The following COL11A2 variants were observed in gnomAD, a reference collection of about 807,000 sequenced individuals.
The protein encoded by COL11A2 is collagen type XI alpha 2 chain.
In COL11A2, 116 loss-of-function variants were observed where a neutral mutation model predicts 273.4. That is an observed-to-expected ratio of 0.42 (90% CI 0.36 to 0.49). The LOEUF is 0.49. COL11A2 is among the 20% of genes least tolerant of loss of function. The pLI, the probability that COL11A2 is intolerant of heterozygous loss-of-function variation, is 0.00. For missense variants in COL11A2, 1,866 were observed against 2,309.0 expected (o/e 0.81, Z 3.93); for synonymous variants, 782 against 864.2 (o/e 0.90, Z 1.67).
Position 33,178,006 on chromosome 6 carries a change from A to C in COL11A2, c.1872+126T>G, listed in dbSNP as rs1771161662. 2.9e-6 allele frequency: 3 copies of C among 1,043,338 alleles called. No individual in the cohort carries two copies. The highest frequency in any genetic ancestry group is 4.2e-5 in the Admixed American group (2 of 47,664). The allele number at this position is 1,043,338 out of a possible 1,614,324, so 64.6% of individuals were successfully genotyped here. ...AGGCAGGGCAGTGTGGGGCCAGAGC[A>C]GGGGGAGCTCACAGGGAATGGGAAG... On this transcript the variant is annotated intron_variant, in intron 21 of 65. Coordinates refer to ENST00000341947, the MANE Select transcript of COL11A2 (RefSeq NM_080680.3). This position sits in a 1 kb window ranked among gnomAD's most constrained non-coding sequence, Gnocchi z 4.6.
At position 33,166,616 on chromosome 6, in the gene COL11A2, T is replaced by G; in HGVS notation, c.4339-50A>C. 1 of 1,612,320 alleles carries G rather than the reference T, an allele frequency of 6.2e-7. No individual in the cohort carries two copies. Among genetic ancestry groups the G allele is most frequent in the Non-Finnish European group, 8.5e-7 (1 of 1,178,824 alleles). Reference sequence around the variant, plus strand: ...ACTGGGTCCTCCTCCCACACCCTCCTGAGCACCTGCTCGCTTACCCACAGC... The same window carrying G: ...ACTGGGTCCTCCTCCCACACCCTCCGGAGCACCTGCTCGCTTACCCACAGC... On this transcript the variant is annotated intron_variant, in intron 59 of 65. Transcript: ENST00000341947. The surrounding 1 kb of genome is among the most constrained non-coding windows in gnomAD (Gnocchi z 4.8).
At position 33,164,340 on chromosome 6, in the gene COL11A2, A is replaced by G. The variant is rs1466062947; in HGVS notation, c.4997T>C (p.Leu1666Pro). ...SGAARDGPLR[L>P]RGANEDELSP... ...CAGCTCATCCTCATTGGCCCCACGG[A>G]GTCTCAGGGGACCGTCACGGGCTGC... The change falls in exon 65 of 66, where the codon CTC (leucine) becomes CCC (proline). Residue 1666 changes from leucine (L) to proline (P), a missense_variant. Coordinates refer to ENST00000341947, the MANE Select transcript of COL11A2 (RefSeq NM_080680.3). The surrounding 1 kb of genome is among the most constrained non-coding windows in gnomAD (Gnocchi z 4.7). The G allele has an allele frequency of 6.2e-7, 1 of 1,612,914 alleles. No homozygotes were observed. Among genetic ancestry groups the G allele is most frequent in the Non-Finnish European group, 8.5e-7 (1 of 1,179,972 alleles).
At position 33,174,058 on chromosome 6, in the gene COL11A2, G is replaced by A; in HGVS notation, c.2485-3C>T. ...GGCCCTGACTTCCCCGACAGGCCCT[G>A]GTGGGAATGAAGCAGAGAGAACATT... is the stretch of plus-strand genomic sequence containing the variant. On this transcript the variant is annotated splice_region_variant and splice_polypyrimidine_tract_variant and intron_variant, in intron 32 of 65. Transcript: ENST00000341947. 1.2e-6 allele frequency: 2 copies of A among 1,613,802 alleles called. No homozygotes were observed. Among genetic ancestry groups the A allele is most frequent in the Non-Finnish European group, 1.7e-6 (2 of 1,179,974 alleles).
At position 33,179,418 on chromosome 6, in the gene COL11A2, C is replaced by T; in HGVS notation, c.1503+13G>A. 1 of 1,568,780 alleles carries T rather than the reference C, an allele frequency of 6.4e-7. No individual in the cohort carries two copies. Among genetic ancestry groups the T allele is most frequent in the Non-Finnish European group, 8.6e-7 (1 of 1,157,104 alleles). On this transcript the variant is annotated intron_variant, in intron 14 of 65. Coordinates refer to ENST00000341947, the MANE Select transcript of COL11A2 (RefSeq NM_080680.3). This position sits in a 1 kb window ranked among gnomAD's most constrained non-coding sequence, Gnocchi z 6.4. ...ATTAAAGCATCCTCCACCCGAGCAC[C>T]CTGCTCACTCACCAAGGGTCCAGGG...
rs1771200796 is a variant in COL11A2, at chr6:33,178,284, C to G, written c.1818+24G>C. 1.2e-6 allele frequency: 2 copies of G among 1,612,894 alleles called. No individual in the cohort carries two copies. The highest frequency in any genetic ancestry group is 1.7e-6 in the Non-Finnish European group (2 of 1,179,950). ...CTGGCTTCCCCAGAGCCCCCTCCCC[C>G]AGCACCAGCCCTTGGACACTCACCG... On this transcript the variant is annotated intron_variant, in intron 20 of 65. Transcript: ENST00000341947. This position sits in a 1 kb window ranked among gnomAD's most constrained non-coding sequence, Gnocchi z 4.6.
In COL11A2 at chr6:33,167,281, C is replaced by A; in HGVS notation, c.4159G>T (p.Gly1387Trp). 1 of 1,614,024 alleles carries A rather than the reference C, an allele frequency of 6.2e-7. No homozygotes were observed. The highest frequency in any genetic ancestry group is 8.5e-7 in the Non-Finnish European group (1 of 1,180,016). The part of the protein sequence containing the change: ...QGRPGATGQA[G>W]PPGPVGPPGL... Reference sequence around the variant, plus strand: ...TCACTCACCACAGGACCTGGGGGCCCAGCCTGGCCTGTAGCTCCAGGTCGG... The same window carrying A: ...TCACTCACCACAGGACCTGGGGGCCAAGCCTGGCCTGTAGCTCCAGGTCGG... Residue 1387 changes from glycine to tryptophan, a missense_variant, in exon 57 of 66, where the codon GGG becomes TGG. Coordinates refer to ENST00000341947, the MANE Select transcript of COL11A2 (RefSeq NM_080680.3). The surrounding 1 kb of genome is among the most constrained non-coding windows in gnomAD (Gnocchi z 6.1).
Position 33,163,775 on chromosome 6 carries a change from A to C in COL11A2, c.5114T>G (p.Leu1705Arg). The change falls in exon 66 of 66, where the codon CTG becomes CGG. Residue 1705 changes from leucine to arginine, a missense_variant. By Grantham distance (102) the Leu-to-Arg change is moderately radical. Coordinates refer to ENST00000341947, the MANE Select transcript of COL11A2 (RefSeq NM_080680.3). This position sits in a 1 kb window ranked among gnomAD's most constrained non-coding sequence, Gnocchi z 4.1. ...RTVLEVRTPV[L>R]EQLPVLDASF... ...GGCATCCAGCACTGGCAGCTGCTCCAGCACAGGCGTTCGCACCTCCAGCAC... is the reference window on the plus strand; with the variant it reads ...GGCATCCAGCACTGGCAGCTGCTCCCGCACAGGCGTTCGCACCTCCAGCAC... The C allele has an allele frequency of 1.2e-6, 2 of 1,613,084 alleles. No individual in the cohort carries two copies. Among genetic ancestry groups the C allele is most frequent in the Middle Eastern group, 1.6e-4 (1 of 6,062 alleles).
Position 33,163,551 on chromosome 6 carries a change from G to T in COL11A2, c.*127C>A. On this transcript the variant is annotated 3_prime_UTR_variant, in exon 66 of 66. Coordinates refer to ENST00000341947, the MANE Select transcript of COL11A2 (RefSeq NM_080680.3). The surrounding 1 kb of genome is among the most constrained non-coding windows in gnomAD (Gnocchi z 4.1). ...CTCCCCTGGCCTGCCCCGACTGAGG[G>T]CTCTCCACGCCCTGGCCCAGGGCTC... 6.8e-7 allele frequency: 1 copy of T among 1,478,694 alleles called. No individual in the cohort carries two copies. The highest frequency in any genetic ancestry group is 1.1e-5 in the South Asian group (1 of 87,354). 91.6% of individuals were successfully genotyped at this position (1,478,694 alleles called of 1,614,324 possible).
At chr6:33,175,435 A>G in intron 30 of COL11A2, 139 bp downstream of exon 30, 1 of 749,272 alleles carries the variant, frequency 1.3e-6, no homozygotes, top group South Asian at 1.4e-5. Context: ...GAGAGATGCC[A>G]TTTACACAGA....
chr6:33,180,792 G>C, intron 10 of COL11A2, 62 bp from the exon 11 acceptor site: 8 of 1,567,402 alleles, frequency 5.1e-6, no homozygotes, highest in Admixed American at 1.7e-5. Flanking sequence ...CACTCAGCCT[G>C]TGGCTGAGGA....
At position 33,167,602 on chromosome 6, in the gene COL11A2, C is replaced by A; in HGVS notation, c.4015-69G>T. On this transcript the variant is annotated intron_variant, in intron 55 of 65. Coordinates refer to ENST00000341947, the MANE Select transcript of COL11A2 (RefSeq NM_080680.3). This position sits in a 1 kb window ranked among gnomAD's most constrained non-coding sequence, Gnocchi z 6.1. Reference sequence around the variant, plus strand: ...GGGTGTGGGCAGGGGGCAGAGGGTCCAAGGTGGGAGGCAGGAGGCAGGGAG... The same window carrying A: ...GGGTGTGGGCAGGGGGCAGAGGGTCAAAGGTGGGAGGCAGGAGGCAGGGAG... 1.3e-6 allele frequency: 2 copies of A among 1,553,456 alleles called. No individual in the cohort carries two copies. The highest frequency in any genetic ancestry group is 2.3e-5 in the East Asian group (1 of 43,502).
intron 39 of COL11A2, 46 bp downstream of exon 39, chr6:33,172,484 C>T: frequency 6.3e-7 from 1 of 1,589,930 alleles, no homozygotes; most frequent in Non-Finnish European, 8.6e-7. Context: ...TTCAGCACCC[C>T]AATCCCCAGC....
Position 33,165,417 on chromosome 6 carries a change from G to A in COL11A2, c.4750+132C>T. On this transcript the variant is annotated intron_variant, in intron 63 of 65. Transcript: ENST00000341947. This position sits in a 1 kb window ranked among gnomAD's most constrained non-coding sequence, Gnocchi z 7.7. ...ATACTTCTGACCTGGTTAGTAAATAGCTGCAGTTCCCAGCCCCTCAGCCCT... is the reference window on the plus strand; with the variant it reads ...ATACTTCTGACCTGGTTAGTAAATAACTGCAGTTCCCAGCCCCTCAGCCCT... The A allele has an allele frequency of 7.3e-7, 1 of 1,360,574 alleles. No individual in the cohort carries two copies. The highest frequency in any genetic ancestry group is 1.0e-6 in the Non-Finnish European group (1 of 968,746). 84.3% of individuals were successfully genotyped at this position (1,360,574 alleles called of 1,614,324 possible).
chr6:33,171,053 G>C, intron 45 of COL11A2, 61 bp downstream of exon 45: 1 of 1,574,848 alleles, frequency 6.3e-7, no homozygotes, highest in South Asian at 1.1e-5. Flanking sequence ...CAAGGGCAGA[G>C]GGGAGCTGAG....
Position 33,173,111 on chromosome 6 carries a change from A to G in COL11A2, c.2739T>C (p.Gly913=), listed in dbSNP as rs1352300002. 1 of 1,611,124 alleles carries G rather than the reference A, an allele frequency of 6.2e-7. No homozygotes were observed. The highest frequency in any genetic ancestry group is 8.5e-7 in the Non-Finnish European group (1 of 1,179,310). Residue 913 remains glycine, a splice_region_variant and synonymous_variant, in exon 38 of 66, where the codon GGT becomes GGC. Transcript: ENST00000341947. This position sits in a 1 kb window ranked among gnomAD's most constrained non-coding sequence, Gnocchi z 6.3. ...PGHPGQRGEV[G]FQGKTGPPGP... Reference sequence around the variant, plus strand: ...CAGGGGGGCCGGTCTTCCCTTGGAAACCCTAGGCGAGGAAGAGAGGAGAAT... The same window carrying G: ...CAGGGGGGCCGGTCTTCCCTTGGAAGCCCTAGGCGAGGAAGAGAGGAGAAT...
chr6:33,184,906 G>T, intron 7 of COL11A2, 86 bp downstream of exon 7: 1 of 1,113,508 alleles, frequency 9.0e-7, no homozygotes. Flanking sequence ...AGGAGGGGCT[G>T]GTCCATCAAG....
chr6:33,167,989 T>C lies in COL11A2; in HGVS notation c.3961-137A>G. The C allele has an allele frequency of 2.3e-6, 2 of 875,262 alleles. No homozygotes were observed. Among genetic ancestry groups the C allele is most frequent in the Non-Finnish European group, 3.7e-6 (2 of 538,622 alleles). 54.2% of individuals were successfully genotyped at this position (875,262 alleles called of 1,614,324 possible). ...CACAGGGACACGCGCCGAGGGCCGA[T>C]TCACAGATGTGCAGAACAGATACAG... On this transcript the variant is annotated intron_variant, in intron 54 of 65. Coordinates refer to ENST00000341947, the MANE Select transcript of COL11A2 (RefSeq NM_080680.3). This position sits in a 1 kb window ranked among gnomAD's most constrained non-coding sequence, Gnocchi z 6.1.
At chr6:33,191,783 A>G (rs1242637673) in intron 1 of COL11A2, among the ~76,000 whole-genome samples, 1 of 152,220 alleles carries the variant, frequency 6.6e-6, no homozygotes, top group Non-Finnish European at 1.5e-5. Context: ...CAGAAAGGCC[A>G]TAAGACACAC....
Position 33,169,923 on chromosome 6 carries a change from C to T in COL11A2, c.3637-39G>A, listed in dbSNP as rs1211162504. 7 of 1,614,020 alleles carry T rather than the reference C, an allele frequency of 4.3e-6. No homozygotes were observed. The highest frequency in any genetic ancestry group is 2.7e-5 in the African/African-American group (2 of 75,038). On this transcript the variant is annotated intron_variant, in intron 49 of 65. Coordinates refer to ENST00000341947, the MANE Select transcript of COL11A2 (RefSeq NM_080680.3). This position sits in a 1 kb window ranked among gnomAD's most constrained non-coding sequence, Gnocchi z 5.5. The stretch of plus-strand genomic sequence containing the variant: ...AGAGTCAAAAACCTCCTCTCCTTCC[C>T]CAGCCAAAAAATTCTGATATTCCCC...
Sources: gnomAD v4.1 joint callset for allele counts (sites outside exome capture counted in the v4.1 genomes callset) on GRCh38, gnomAD v4.1.1 for gene constraint, Gnocchi (gnomAD v3.1) non-coding constraint, MANE v1.5 for transcripts, NCBI Gene and HGNC (gene_info 2026-07-23, HGNC 2026-07-21) for gene names.